Variants in BNIP1 observed in about 807,000 individuals in gnomAD.
BNIP1 encodes the protein vesicle transport protein SEC20.
BNIP1 carries 25 observed loss-of-function variants against 28.5 expected under a neutral mutation model. The observed-to-expected ratio is 0.88, with a 90% CI of 0.64 to 1.23. The LOEUF (loss-of-function observed/expected upper bound fraction) is 1.23, where lower values mean the gene tolerates loss of function less well. Among genes scored for constraint, BNIP1 ranks in the 50% most tolerant of loss-of-function variants. BNIP1 has a pLI of 0.00. For synonymous variants in BNIP1, 118 were observed against 101.7 expected (o/e 1.16, Z -0.96); for missense variants, 276 against 277.0 (o/e 1.00, Z 0.02).
Position 173,160,054 on chromosome 5 carries a change from A to G in BNIP1, c.490+3A>G, listed in dbSNP as rs769645693. 1 of 1,612,912 alleles carries G rather than the reference A, an allele frequency of 6.2e-7. No individual in the cohort carries two copies. The highest frequency in any genetic ancestry group is 8.5e-7 in the Non-Finnish European group (1 of 1,179,512). ...CGAGGAGGCCATGCAGTCTCTAGGTAAAGCTGGGCCTGGAGTAGGAAGCTT... is the reference window on the plus strand; with the variant it reads ...CGAGGAGGCCATGCAGTCTCTAGGTGAAGCTGGGCCTGGAGTAGGAAGCTT... On this transcript the variant is annotated splice_donor_region_variant and intron_variant, in intron 5 of 5. Coordinates refer to ENST00000351486, the MANE Select transcript of BNIP1 (RefSeq NM_001205.3).
At chr5:173,160,133 C>T in intron 5 of BNIP1, 82 bp downstream of exon 5, 1 of 1,263,514 alleles carries the variant, frequency 7.9e-7, no homozygotes. Context: ...CTCTGGGCTC[C>T]TCCACCACAG....
rs973685210 is a variant in BNIP1, at chr5:173,164,186, C to T, written c.*265C>T. ...TCCACCATTGTGCACTATGGGAGGC[C>T]GCTGCTGCGTGGAGCACTTAAAGTC... On this transcript the variant is annotated 3_prime_UTR_variant, in exon 6 of 6. Transcript: ENST00000351486. This position sits in a 1 kb window ranked among gnomAD's most constrained non-coding sequence, Gnocchi z 4.0. 1 of 317,250 alleles carries T rather than the reference C, an allele frequency of 3.2e-6. No homozygotes were observed. 19.7% of individuals were successfully genotyped at this position (317,250 alleles called of 1,614,324 possible).
rs1759860681 is a variant in BNIP1 at position 173,147,071 on chromosome 5, C to T, written c.177+113C>T. The stretch of plus-strand genomic sequence containing the variant: ...CTGATGGGAGCAGTAAACACTTAGA[C>T]AGGGAGGGTGACTCTGTACTAACCT... On this transcript the variant is annotated intron_variant, in intron 2 of 5. Transcript: ENST00000351486. The T allele has an allele frequency of 6.2e-6, 5 of 810,818 alleles. No homozygotes were observed. The South Asian group carries it at 6.3e-5, about 10-fold the overall frequency. 50.2% of individuals were successfully genotyped at this position (810,818 alleles called of 1,614,324 possible). A position where few individuals can be genotyped will look rare whatever the true frequency, so the allele number is the denominator to read the frequency against.
chr5:173,151,638 G>A, intron 2 of BNIP1: 3 of 1,612,388 alleles, frequency 1.9e-6, no homozygotes, highest in Non-Finnish European at 2.5e-6. Flanking sequence ...TTCCCTGACA[G>A]ACTTTTCTTC....
Position 173,148,115 on chromosome 5 carries a change from T to A in BNIP1, c.177+1157T>A, listed in dbSNP as rs1337869908. ...ATATATATATATATATATATATATA[T>A]ATATATATATATATATATATATTTT... On this transcript the variant is annotated intron_variant, in intron 2 of 5. Coordinates refer to ENST00000351486, the MANE Select transcript of BNIP1 (RefSeq NM_001205.3). 1.2e-3 allele frequency among the ~76,000 whole-genome samples: 96 copies of A among 81,956 alleles called. 4 individuals are homozygous for A. Among genetic ancestry groups the A allele is most frequent in the African/African-American group, 2.4e-3 (51 of 21,532 alleles). 53.8% of individuals were successfully genotyped at this position (81,956 alleles called of 152,430 possible).
intron 4 of BNIP1, 150 bp from the exon 5 acceptor site, chr5:173,159,783 C>G (rs1760308204): frequency 2.7e-6 from 2 of 731,062 alleles, no homozygotes; most frequent in Admixed American, 4.9e-5. Context: ...GCGTGGGTCT[C>G]AGCACACCCT....
In BNIP1 at chr5:173,163,878, C is replaced by T. The variant is rs766708503; in HGVS notation, c.644C>T (p.Thr215Met). The change falls in exon 6 of 6, where the codon ACG becomes ATG. Residue 215 changes from threonine (T) to methionine (M), a missense_variant. Coordinates refer to ENST00000351486, the MANE Select transcript of BNIP1 (RefSeq NM_001205.3). ...CTTGCGCTAGCCCTGTTTCTTGCTA[C>T]GGTCCTCTATATTGTGAAAAAGCGG... ...IFLALALFLA[T>M]VLYIVKKRLF... 1.9e-5 allele frequency: 31 copies of T among 1,613,480 alleles called. No homozygotes were observed. The highest frequency in any genetic ancestry group is 1.6e-4 in the Middle Eastern group (1 of 6,080).
chr5:173,147,456 C>T (rs763811100), intron 2 of BNIP1, among the ~76,000 whole-genome samples: 3 of 151,946 alleles, frequency 2.0e-5, no homozygotes, highest in African/African-American at 7.3e-5. Context: ...GCTGTGTGAA[C>T]GAGTGAATGG....
chr5:173,163,011 T>C (rs889915808), intron 5 of BNIP1, among the ~76,000 whole-genome samples: 2 of 152,238 alleles, frequency 1.3e-5, no homozygotes, highest in Non-Finnish European at 2.9e-5. Flanking sequence ...TAATGTGTTC[T>C]ATTCAATGGC....
chr5:173,156,988 C>A (rs560388158), intron 3 of BNIP1, among the ~76,000 whole-genome samples: 64 of 151,904 alleles, frequency 4.2e-4, no homozygotes, highest in South Asian at 8.3e-4. Context: ...ACAAAAAAAA[C>A]CAACTTTGGC....
intron 5 of BNIP1, 45 bp from the exon 6 acceptor site, chr5:173,163,680 T>G: frequency 8.6e-6 from 13 of 1,518,722 alleles, no homozygotes; most frequent in Non-Finnish European, 1.2e-5. Context: ...CTTTGGATCT[T>G]GAGCTGCAGT....
In BNIP1 at chr5:173,163,925, C is replaced by G; in HGVS notation, c.*4C>G. 1.3e-6 allele frequency: 2 copies of G among 1,596,432 alleles called. No individual in the cohort carries two copies. Among genetic ancestry groups the G allele is most frequent in the Non-Finnish European group, 1.7e-6 (2 of 1,170,760 alleles). ...GCGGCTCTTTCCATTTTTGTGAGAT[C>G]CCAAAGGTGCCAGTTCTGGCCCTTT... On this transcript the variant is annotated 3_prime_UTR_variant, in exon 6 of 6. Coordinates refer to ENST00000351486, the MANE Select transcript of BNIP1 (RefSeq NM_001205.3).
chr5:173,146,712 T>C (rs546793398), intron 1 of BNIP1, among the ~76,000 whole-genome samples, 154 bp from the exon 2 acceptor site: 1 of 152,348 alleles, frequency 6.6e-6, no homozygotes, highest in South Asian at 2.1e-4. Flanking sequence ...ATAATGTTTT[T>C]GCTTGTGTTG....
chr5:173,163,681 G>A (rs1401120191), intron 5 of BNIP1, 44 bp from the exon 6 acceptor site: 3 of 1,525,728 alleles, frequency 2.0e-6, no homozygotes, highest in Non-Finnish European at 2.7e-6. Flanking sequence ...TTTGGATCTT[G>A]AGCTGCAGTC....
chr5:173,151,999 G>A (rs936627072), intron 2 of BNIP1, among the ~76,000 whole-genome samples: 6 of 152,192 alleles, frequency 3.9e-5, no homozygotes, highest in African/African-American at 1.4e-4. Flanking sequence ...TGATACTAGA[G>A]AACTGGCCTC....
chr5:173,151,037 G>A (rs935570912), intron 2 of BNIP1, among the ~76,000 whole-genome samples: 7 of 151,782 alleles, frequency 4.6e-5, no homozygotes, highest in South Asian at 2.1e-4. Context: ...GAGTTTCACC[G>A]TGTTAGCCAG....
chr5:173,160,676 C>CT (rs1208538091), intron 5 of BNIP1: 2 of 392,202 alleles, frequency 5.1e-6, no homozygotes, highest in Admixed American at 5.9e-5. Context: ...GGCCTGGAGT[C>CT]TGATTTTCAG....
intron 2 of BNIP1, among the ~76,000 whole-genome samples, chr5:173,148,816 C>A (rs946554509): frequency 6.6e-5 from 10 of 152,140 alleles, no homozygotes; most frequent in African/African-American, 2.4e-4. Context: ...AACTCTGGAT[C>A]TCCTGGTCAC....
intron 2 of BNIP1, among the ~76,000 whole-genome samples, chr5:173,147,826 C>T (rs970058977): frequency 6.6e-6 from 1 of 151,524 alleles, no homozygotes; most frequent in Non-Finnish European, 1.5e-5. Context: ...TATTCTGTTG[C>T]TTTCATTTTT....
Sources: gnomAD v4.1 joint callset for allele counts (sites outside exome capture counted in the v4.1 genomes callset) on GRCh38, gnomAD v4.1.1 for gene constraint, Gnocchi (gnomAD v3.1) non-coding constraint, MANE v1.5 for transcripts, NCBI Gene and HGNC (gene_info 2026-07-23, HGNC 2026-07-21) for gene names.